The following CFAP300 variants were observed in gnomAD, a reference collection of about 807,000 sequenced individuals.
CFAP300 encodes the protein cilia- and flagella-associated protein 300.
A neutral mutation model predicts 33.0 loss-of-function variants in CFAP300; 32 were observed. The observed-to-expected ratio is 0.97, with a 90% CI of 0.73 to 1.30. The LOEUF is 1.30. CFAP300 is among the 50% of genes most tolerant of loss of function. The pLI is 0.00. For synonymous variants in CFAP300, 102 were observed against 106.8 expected (o/e 0.95, Z 0.28); for missense variants, 356 against 318.1 (o/e 1.12, Z -0.90).
intron 3 of CFAP300, among the ~76,000 whole-genome samples, chr11:102,062,135 A>G (rs555734717): frequency 2.5e-4 from 38 of 152,336 alleles, no homozygotes; most frequent in South Asian, 1.0e-3. Flanking sequence ...AGAGCCATCT[A>G]AGTACACAGA....
chr11:102,072,352 T>C (rs10791558), intron 4 of CFAP300, among the ~76,000 whole-genome samples: 65,559 of 151,886 alleles, frequency 0.43, 14,412 homozygotes, highest in East Asian at 0.7. Context: ...GATATCCATC[T>C]TTTTGGTGAA....
chr11:102,056,194 A>G lies in CFAP300; in HGVS notation c.193-2686A>G, dbSNP rs559647154. Among the ~76,000 whole-genome samples the G allele has an allele frequency of 1.0e-3, 156 of 152,256 alleles. 3 individuals carry two copies. In the South Asian group the frequency reaches 0.031, roughly 31 times the overall value. On this transcript the variant is annotated intron_variant, in intron 2 of 6. Coordinates refer to ENST00000434758, the MANE Select transcript of CFAP300 (RefSeq NM_032930.3). The stretch of plus-strand genomic sequence containing the variant: ...GCATTCTGTCTGATATAGATGGACT[A>G]TGTTTTATTCAACTGTTTTTTTACT...
At chr11:102,068,852 A>G (rs1300999388) in intron 4 of CFAP300, among the ~76,000 whole-genome samples, 4 of 152,206 alleles carry the variant, frequency 2.6e-5, no homozygotes, top group Non-Finnish European at 5.9e-5. Context: ...ATTAATTTCT[A>G]CTTCTCCTTA....
chr11:102,047,635 G>A (rs1941900693), intron 1 of CFAP300, 55 bp downstream of exon 1: 1 of 1,509,396 alleles, frequency 6.6e-7, no homozygotes, highest in Admixed American at 2.0e-5. Context: ...CGGCTGTGGA[G>A]GCGCAGGCCG....
chr11:102,081,393 TGTTATTTAGA>T (rs1318356717), intron 6 of CFAP300, 112 bp downstream of exon 6: 1 of 852,032 alleles, frequency 1.2e-6, no homozygotes, highest in Non-Finnish European at 1.8e-6. Flanking sequence ...GAAAAGACAA[TGTTATTTAGA>T]GTTTTGTTAA....
rs149305851 is a variant in CFAP300, at chr11:102,084,016, G to GA, written c.*827dup. ...GGCAACAGAGCAAGACTCCGTCTCA[G>GA]AAAAAAAAAAGGTTCTGAAAGTGGT... On this transcript the variant is annotated 3_prime_UTR_variant, in exon 7 of 7. Coordinates refer to ENST00000434758, the MANE Select transcript of CFAP300 (RefSeq NM_032930.3). The GA allele has an allele frequency of 0.099, 14,620 of 148,006 alleles. 976 individuals carry two copies. The highest frequency in any genetic ancestry group is 0.18 in the African/African-American group (7,276 of 40,420). The allele number at this position is 148,006 out of a possible 1,614,324, so 9.2% of individuals were successfully genotyped here.
chr11:102,056,599 GT>G (rs1942060168), intron 2 of CFAP300, among the ~76,000 whole-genome samples: 1 of 151,620 alleles, frequency 6.6e-6, no homozygotes, highest in Non-Finnish European at 1.5e-5. Context: ...GGGGTTTTTT[GT>G]TTGTTTGTTT....
At chr11:102,068,301 G>A (rs1234914130) in intron 4 of CFAP300, among the ~76,000 whole-genome samples, 1 of 152,172 alleles carries the variant, frequency 6.6e-6, no homozygotes, top group Non-Finnish European at 1.5e-5. Context: ...CCGGACACAG[G>A]AATCTTGTCT....
At chr11:102,079,121 C>T (rs1266876498) in intron 5 of CFAP300, among the ~76,000 whole-genome samples, 1 of 152,136 alleles carries the variant, frequency 6.6e-6, no homozygotes, top group Admixed American at 6.5e-5. Context: ...TTTCTTTCCT[C>T]AGATTTTTAA....
intron 3 of CFAP300, among the ~76,000 whole-genome samples, chr11:102,064,826 T>C (rs1942199050): frequency 6.6e-6 from 1 of 152,134 alleles, no homozygotes; most frequent in South Asian, 2.1e-4. Flanking sequence ...ATAATAAAAA[T>C]ATTCATTTTA....
Position 102,076,042 on chromosome 11 carries a change from T to G in CFAP300, c.605T>G (p.Val202Gly). The G allele has an allele frequency of 6.2e-7, 1 of 1,604,584 alleles. No homozygotes were observed. Among genetic ancestry groups the G allele is most frequent in the Non-Finnish European group, 8.5e-7 (1 of 1,177,364 alleles). ...ACAAAGCTTATCTATAAGGATCTGG[T>G]GAGGTAATGTTGCTAGATCACAATA... ...ETTKLIYKDL[V>G]SVRKNPQTKK... The change falls in exon 5 of 7, where the codon GTG (valine) becomes GGG (glycine). Residue 202 changes from valine to glycine, a missense_variant. Coordinates refer to ENST00000434758, the MANE Select transcript of CFAP300 (RefSeq NM_032930.3).
chr11:102,077,621 C>A (rs548968809), intron 5 of CFAP300, among the ~76,000 whole-genome samples: 1 of 152,346 alleles, frequency 6.6e-6, no homozygotes, highest in East Asian at 1.9e-4. Flanking sequence ...CCAGGCCAGG[C>A]TGGAGTGCAG....
chr11:102,066,376 C>A, intron 3 of CFAP300, 109 bp from the exon 4 acceptor site: 1 of 638,192 alleles, frequency 1.6e-6, no homozygotes, highest in Non-Finnish European at 2.5e-6. Context: ...TCAAAAATGT[C>A]ATATTTGTTA....
chr11:102,079,351 A>G (rs1475827508), intron 5 of CFAP300, among the ~76,000 whole-genome samples: 1 of 152,222 alleles, frequency 6.6e-6, no homozygotes, highest in Admixed American at 6.5e-5. Context: ...TAAGCACAAA[A>G]TCTTAAAAGT....
At chr11:102,081,335 G>A (rs751696497) in intron 6 of CFAP300, 54 bp downstream of exon 6, 5 of 1,428,436 alleles carry the variant, frequency 3.5e-6, no homozygotes, top group Non-Finnish European at 3.9e-6. Context: ...TTTATTAATA[G>A]AGTTGTTACA....
intron 5 of CFAP300, among the ~76,000 whole-genome samples, chr11:102,080,287 T>C (rs1265304521): frequency 1.3e-5 from 2 of 152,144 alleles, no homozygotes; most frequent in Non-Finnish European, 2.9e-5. Flanking sequence ...TCACTACATA[T>C]TGCCATAGGA....
At chr11:102,050,996 T>G (rs1422644437) in intron 2 of CFAP300, among the ~76,000 whole-genome samples, 1 of 152,158 alleles carries the variant, frequency 6.6e-6, no homozygotes, top group Non-Finnish European at 1.5e-5. Flanking sequence ...GACAGTTACA[T>G]GATAATGTCA....
intron 2 of CFAP300, among the ~76,000 whole-genome samples, chr11:102,053,491 C>T (rs923026307): frequency 6.6e-6 from 1 of 152,144 alleles, no homozygotes; most frequent in African/African-American, 2.4e-5. Context: ...GCGGAGGCTG[C>T]GGTGAGGCAA....
At chr11:102,080,223 A>G (rs1169628929) in intron 5 of CFAP300, among the ~76,000 whole-genome samples, 1 of 152,202 alleles carries the variant, frequency 6.6e-6, no homozygotes, top group African/African-American at 2.4e-5. Context: ...TATATATGTA[A>G]CAAATTATAA....
Sources: gnomAD v4.1 joint callset for allele counts (sites outside exome capture counted in the v4.1 genomes callset) on GRCh38, gnomAD v4.1.1 for gene constraint, MANE v1.5 for transcripts, NCBI Gene and HGNC (gene_info 2026-07-23, HGNC 2026-07-21) for gene names.